PLAG1: variants seen among roughly 807,000 people sequenced by gnomAD.
PLAG1 encodes PLAG1 zinc finger, also known as zinc finger protein PLAG1.
PLAG1 carries 7 observed loss-of-function variants against 35.5 expected under a neutral mutation model. The ratio of observed to expected loss-of-function variants is 0.20; its 90% confidence interval spans 0.11 to 0.37. PLAG1 has a LOEUF of 0.37. PLAG1 is among the 10% of genes least tolerant of loss of function. The pLI is 1.00. For missense variants in PLAG1, 454 were observed against 602.8 expected, an observed-to-expected ratio of 0.75 and a Z score of 2.58; for synonymous variants, 229 against 225.4, an observed-to-expected ratio of 1.02 and a Z score of -0.14.
At chr8:56,184,714 C>T (rs138678517) in intron 1 of PLAG1, among the ~76,000 whole-genome samples, 8 of 152,206 alleles carry the variant, frequency 5.3e-5, no homozygotes, top group African/African-American at 1.9e-4. Flanking sequence ...GTCAGGAGTT[C>T]GAGTCCAGCC....
At chr8:56,184,892 A>G (rs67625520) in intron 1 of PLAG1, among the ~76,000 whole-genome samples, 20,270 of 152,202 alleles carry the variant, frequency 0.13, 1,726 homozygotes, top group Middle Eastern at 0.2. Flanking sequence ...GGTTGCAGTG[A>G]GCCAAGATCA....
At chr8:56,188,103 T>C (rs1450275828) in intron 1 of PLAG1, among the ~76,000 whole-genome samples, 1 of 152,208 alleles carries the variant, frequency 6.6e-6, no homozygotes, top group Non-Finnish European at 1.5e-5. Context: ...TCTACTCGAC[T>C]GAAGCACATA....
chr8:56,183,821 G>A (rs1022147537), intron 1 of PLAG1, among the ~76,000 whole-genome samples: 51 of 152,130 alleles, frequency 3.4e-4, no homozygotes, highest in African/African-American at 1.2e-3. Context: ...ACACCATATA[G>A]AAAACTTAAC....
In PLAG1 at chr8:56,162,339, T is replaced by G. The variant is rs1212299528; in HGVS notation, c.*3904A>C. The G allele has an allele frequency of 4.4e-6, 1 of 227,194 alleles. No homozygotes were observed. Among genetic ancestry groups the G allele is most frequent in the African/African-American group, 2.2e-5 (1 of 45,010 alleles). 14.1% of individuals were successfully genotyped at this position (227,194 alleles called of 1,614,324 possible). A position where few individuals can be genotyped will look rare whatever the true frequency, so the allele number is the denominator to read the frequency against. On this transcript the variant is annotated 3_prime_UTR_variant, in exon 5 of 5. Coordinates refer to ENST00000316981, the MANE Select transcript of PLAG1 (RefSeq NM_002655.3). ...TTTAACTTACGTACTGGGAAGACAG[T>G]GTGCTTTGAGACACGTAAACCTTGT...
chr8:56,167,439 G>A lies in PLAG1; in HGVS notation c.307C>T (p.Arg103Trp). Reference protein sequence around the residue: ...KCNYCEKMFHRKDHLKNHLHT... With the variant: ...KCNYCEKMFHWKDHLKNHLHT... ...AGGTGATTCTTCAGATGATCTTTCC[G>A]GTGAAACATTTTCTCACAATAATTA... Residue 103 changes from arginine to tryptophan, a missense_variant, in exon 5 of 5, where the codon CGG becomes TGG. Arg to Trp is a moderately radical substitution (Grantham distance 101, BLOSUM62 -3). This residue lies in a region of PLAG1 where 170 missense variants were observed against 226.3 expected (regional missense o/e 0.75). Transcript: ENST00000316981. The surrounding 1 kb of genome is among the most constrained non-coding windows in gnomAD (Gnocchi z 5.9). The A allele has an allele frequency of 1.9e-6, 3 of 1,612,654 alleles. No individual in the cohort carries two copies. Among genetic ancestry groups the A allele is most frequent in the Non-Finnish European group, 1.7e-6 (2 of 1,179,116 alleles).
rs571218964 is a variant in PLAG1, at chr8:56,191,960, T to TG, written c.-321-12448dup. Among the ~76,000 whole-genome samples, 354 of 152,242 alleles carry TG rather than the reference T, an allele frequency of 2.3e-3. 3 individuals are homozygous for TG. The highest frequency in any genetic ancestry group is 4.3e-3 in the Non-Finnish European group (292 of 68,020). On this transcript the variant is annotated intron_variant, in intron 1 of 4. Coordinates refer to ENST00000316981, the MANE Select transcript of PLAG1 (RefSeq NM_002655.3). The stretch of plus-strand genomic sequence containing the variant: ...TCTTTTAGGCAAAACGATAACAAGT[T>TG]GGGGTTAACTGGGATTTTTGGTACA...
intron 1 of PLAG1, among the ~76,000 whole-genome samples, chr8:56,187,156 C>G (rs1250863271): frequency 6.6e-6 from 1 of 152,188 alleles, no homozygotes; most frequent in Non-Finnish European, 1.5e-5. Flanking sequence ...TGGGGTGGCC[C>G]CTACACTGCA....
At position 56,169,814 on chromosome 8, in the gene PLAG1, G is replaced by T. The variant is rs1200868994; in HGVS notation, c.-118+1277C>A. The stretch of plus-strand genomic sequence containing the variant: ...CAGTCTCAGCCTCTCAACATGCTGG[G>T]ATTATAGGCGTGAGCCGCCACACCT... On this transcript the variant is annotated intron_variant, in intron 3 of 4. Transcript: ENST00000316981. 2.0e-5 allele frequency among the ~76,000 whole-genome samples: 3 copies of T among 152,192 alleles called. No homozygotes were observed. In the East Asian group the frequency reaches 5.8e-4, roughly 29 times the overall value.
intron 1 of PLAG1, among the ~76,000 whole-genome samples, chr8:56,186,746 C>T (rs35637640): frequency 0.14 from 21,209 of 150,024 alleles, 1,757 homozygotes; most frequent in Middle Eastern, 0.21. Context: ...GACCGAGTTT[C>T]GCTCTTGTTG....
chr8:56,191,313 A>G (rs1260320453), intron 1 of PLAG1, among the ~76,000 whole-genome samples: 1 of 152,138 alleles, frequency 6.6e-6, no homozygotes, highest in East Asian at 1.9e-4. Context: ...AGCTAGAGAG[A>G]AGGAGGCCCA....
intron 1 of PLAG1, among the ~76,000 whole-genome samples, chr8:56,198,309 G>A (rs929843192): frequency 2.0e-5 from 3 of 152,202 alleles, no homozygotes; most frequent in Non-Finnish European, 2.9e-5. Context: ...TGAGAAGGAC[G>A]TGGCTGTGCA....
At chr8:56,189,969 G>C (rs1812136123) in intron 1 of PLAG1, among the ~76,000 whole-genome samples, 1 of 152,190 alleles carries the variant, frequency 6.6e-6, no homozygotes. Flanking sequence ...TTTAACAAGT[G>C]TAACTGGAGA....
At chr8:56,184,819 A>C (rs1355144746) in intron 1 of PLAG1, among the ~76,000 whole-genome samples, 2 of 152,114 alleles carry the variant, frequency 1.3e-5, no homozygotes, top group Non-Finnish European at 2.9e-5. Context: ...CCAGAGGCTG[A>C]GGCAAGAGAA....
chr8:56,164,523 A>G lies in PLAG1; in HGVS notation c.*1720T>C, dbSNP rs1233138688. 1 of 224,400 alleles carries G rather than the reference A, an allele frequency of 4.5e-6. No individual in the cohort carries two copies. Among genetic ancestry groups the G allele is most frequent in the South Asian group, 1.8e-4 (1 of 5,450 alleles). The allele number at this position is 224,400 out of a possible 1,614,324, so 13.9% of individuals were successfully genotyped here. On this transcript the variant is annotated 3_prime_UTR_variant, in exon 5 of 5. Transcript: ENST00000316981. ...CCCTACAAAAAGGAAAGAAGTTTCCATATAGGGCTAATGAGTGCTCAGAAA... is the reference window on the plus strand; with the variant it reads ...CCCTACAAAAAGGAAAGAAGTTTCCGTATAGGGCTAATGAGTGCTCAGAAA...
chr8:56,204,612 T>C (rs1384723300), intron 1 of PLAG1, among the ~76,000 whole-genome samples: 1 of 151,896 alleles, frequency 6.6e-6, no homozygotes, highest in African/African-American at 2.4e-5. Context: ...GTCTAACCAC[T>C]GGTTAAAGAG....
At position 56,166,787 on chromosome 8, in the gene PLAG1, T is replaced by C. The variant is rs1185189117; in HGVS notation, c.959A>G (p.Asp320Gly). 3 of 1,613,926 alleles carry C rather than the reference T, an allele frequency of 1.9e-6. No homozygotes were observed. Among genetic ancestry groups the C allele is most frequent in the African/African-American group, 1.3e-5 (1 of 74,916 alleles). Residue 320 changes from aspartate to glycine, a missense_variant, in exon 5 of 5, where the codon GAT becomes GGT. Physicochemically the swap from Asp to Gly is moderately conservative, Grantham distance 94. This residue lies in a region of PLAG1 where 271 missense variants were observed against 315.6 expected (regional missense o/e 0.86). Coordinates refer to ENST00000316981, the MANE Select transcript of PLAG1 (RefSeq NM_002655.3). ...TLPLGMTCPI[D>G]MDTVHPSHHL... ...GTGAGAGGGATGAACAGTGTCCATA[T>C]CTATTGGGCATGTCATTCCCAAAGG...
intron 1 of PLAG1, among the ~76,000 whole-genome samples, chr8:56,208,080 T>C (rs1563398251): frequency 6.6e-6 from 1 of 152,138 alleles, no homozygotes; most frequent in South Asian, 2.1e-4. Context: ...CATTTTTTTA[T>C]AGAGATTGAA....
At chr8:56,202,070 T>C (rs150428494) in intron 1 of PLAG1, among the ~76,000 whole-genome samples, 1 of 152,040 alleles carries the variant, frequency 6.6e-6, no homozygotes, top group African/African-American at 2.4e-5. Context: ...TGCTTTCTTA[T>C]TTGATCAATT....
chr8:56,185,843 T>C (rs1376683121), intron 1 of PLAG1, among the ~76,000 whole-genome samples: 1 of 152,248 alleles, frequency 6.6e-6, no homozygotes, highest in African/African-American at 2.4e-5. Flanking sequence ...CCTGAAGTGT[T>C]TCAATTCAGC....
Sources: allele counts gnomAD v4.1 joint callset (sites outside exome capture counted in the v4.1 genomes callset), GRCh38; gene constraint gnomAD v4.1.1; regional missense constraint gnomAD v4.1.1; non-coding constraint Gnocchi (gnomAD v3.1); transcripts MANE v1.5; gene names NCBI Gene and HGNC (gene_info 2026-07-23, HGNC 2026-07-21).